Variants in RYR1 observed in about 807,000 individuals in gnomAD.
The protein encoded by RYR1 is ryanodine receptor 1.
Under a neutral mutation model 583.5 loss-of-function variants are expected in RYR1, and 342 were observed. The ratio of observed to expected loss-of-function variants is 0.59; its 90% CI spans 0.54 to 0.64. The LOEUF (loss-of-function observed/expected upper bound fraction) is 0.64, where lower values mean the gene tolerates loss of function less well. Ranked by LOEUF, RYR1 falls within the 30% of genes least tolerant of loss-of-function variation. The pLI, the probability that RYR1 is intolerant of heterozygous loss-of-function variation, is 0.00. For synonymous variants in RYR1, 2,791 were observed against 2,822.5 expected (o/e 0.99, Z 0.35); for missense variants, 6,032 against 6,917.2 (o/e 0.87, Z 4.54).
intron 19 of RYR1, among the ~76,000 whole-genome samples, 189 bp downstream of exon 19, chr19:38,459,527 C>T (rs1967616691): frequency 6.6e-6 from 1 of 152,108 alleles, no homozygotes; most frequent in South Asian, 2.1e-4. Context: ...TTTCCAATGA[C>T]CTCAGATTCT....
At chr19:38,555,623 T>C (rs1972848968) in intron 89 of RYR1, among the ~76,000 whole-genome samples, 1 of 152,092 alleles carries the variant, frequency 6.6e-6, no homozygotes, top group South Asian at 2.1e-4. Context: ...CTAGTGAGTG[T>C]GCAAATTTCC....
chr19:38,441,739 G>T (rs79536730), intron 2 of RYR1, among the ~76,000 whole-genome samples: 3 of 151,232 alleles, frequency 2.0e-5, no homozygotes, highest in Non-Finnish European at 1.5e-5. Flanking sequence ...GAATCTGATG[G>T]GGGGGAAGTT....
chr19:38,492,721 T>A, intron 38 of RYR1, 85 bp downstream of exon 38: 1 of 1,385,918 alleles, frequency 7.2e-7, no homozygotes, highest in Non-Finnish European at 9.9e-7. Context: ...AAAGAGGGCA[T>A]GAGGACAGAT....
chr19:38,531,782 T>A (rs1191892161), intron 76 of RYR1, among the ~76,000 whole-genome samples: 1 of 152,148 alleles, frequency 6.6e-6, no homozygotes, highest in Non-Finnish European at 1.5e-5. Context: ...GGTATGTGCC[T>A]GTAGTCCCAA....
chr19:38,537,503 C>T (rs1031713037), intron 83 of RYR1, among the ~76,000 whole-genome samples: 8 of 152,144 alleles, frequency 5.3e-5, no homozygotes, highest in African/African-American at 1.9e-4. Flanking sequence ...CCCCATAATC[C>T]ATTAACCTCC....
At chr19:38,575,603 G>T (rs1973920727) in intron 96 of RYR1, among the ~76,000 whole-genome samples, 1 of 152,124 alleles carries the variant, frequency 6.6e-6, no homozygotes, top group African/African-American at 2.4e-5. Flanking sequence ...AGAAGTTCAA[G>T]AACAGCCTGG....
chr19:38,519,155 G>C, intron 66 of RYR1, 59 bp from the exon 67 acceptor site: 1 of 1,613,102 alleles, frequency 6.2e-7, no homozygotes, highest in Non-Finnish European at 8.5e-7. Context: ...GCTGGGAACG[G>C]AGTTTGGGGC....
chr19:38,437,634 G>A (rs528616294), intron 1 of RYR1, among the ~76,000 whole-genome samples: 1 of 152,104 alleles, frequency 6.6e-6, no homozygotes, highest in East Asian at 1.9e-4. Flanking sequence ...GGGCAACATA[G>A]GGAGACCTTG....
intron 13 of RYR1, among the ~76,000 whole-genome samples, chr19:38,454,318 G>T (rs943020667): frequency 6.6e-6 from 1 of 152,210 alleles, no homozygotes; most frequent in Non-Finnish European, 1.5e-5. Context: ...GGGATTACAG[G>T]CGTGAGCCAC....
rs2145843330 is a variant in RYR1 at position 38,565,065 on chromosome 19, TGCAGATCGCCGC to T, written c.12739_12750del (p.Ala4247_Ile4250del). 6.4e-7 allele frequency: 1 copy of T among 1,565,062 alleles called. No individual in the cohort carries two copies. The highest frequency in any genetic ancestry group is 2.4e-5 in the East Asian group (1 of 42,380). On this transcript the variant is annotated inframe_deletion, in exon 91 of 106. Coordinates refer to ENST00000359596, the MANE Select transcript of RYR1 (RefSeq NM_000540.3). This position sits in a 1 kb window ranked among gnomAD's most constrained non-coding sequence, Gnocchi z 4.7. Reference sequence around the variant, plus strand: ...TTCTGCGAGGACACCATCTTCGAGATGCAGATCGCCGCGCAGATCTCGGAGCCCGAGGGCGAG... The same window carrying T: ...TTCTGCGAGGACACCATCTTCGAGATGCAGATCTCGGAGCCCGAGGGCGAG...
chr19:38,548,314 A>G lies in RYR1; in HGVS notation c.12176A>G (p.Lys4059Arg). 1 of 1,614,224 alleles carries G rather than the reference A, an allele frequency of 6.2e-7. No individual in the cohort carries two copies. The highest frequency in any genetic ancestry group is 8.5e-7 in the Non-Finnish European group (1 of 1,180,044). The part of the protein sequence containing the change: ...ESSSNVEMIL[K>R]FFDMFLKLKD... ...TCATCCAATGTGGAGATGATCCTCA[A>G]GTTCTTCGACATGTTCCTGAAACTC... The change falls in exon 89 of 106, where the codon AAG (lysine) becomes AGG (arginine). Residue 4059 changes from lysine to arginine, a missense_variant. By Grantham distance (26) the Lys-to-Arg change is conservative. Transcript: ENST00000359596.
Position 38,567,875 on chromosome 19 carries a change from C to T in RYR1, c.13617C>T (p.Gly4539=), listed in dbSNP as rs2302296. Residue 4539 remains glycine (G), a synonymous_variant, in exon 93 of 106, where the codon GGC becomes GGT. Transcript: ENST00000359596. The part of the protein sequence containing the change: ...SPPPKKEEAG[G]EFWGELEVQR... ...CTCCAAAGAAGGAGGAAGCTGGAGGCGAATTCTGGGGAGAACTGGAGGTGC... is the reference window on the plus strand; with the variant it reads ...CTCCAAAGAAGGAGGAAGCTGGAGGTGAATTCTGGGGAGAACTGGAGGTGC... The T allele has an allele frequency of 3.0e-4, 477 of 1,613,920 alleles. 3 individuals carry two copies. In the East Asian group the frequency reaches 0.01, roughly 34 times the overall value.
intron 50 of RYR1, 59 bp from the exon 51 acceptor site, chr19:38,504,689 C>T (rs1003665559): frequency 1.2e-6 from 2 of 1,603,492 alleles, no homozygotes; most frequent in Non-Finnish European, 1.7e-6. Context: ...AGTTTGAGGT[C>T]CTGGGGGTCA....
Position 38,505,941 on chromosome 19 carries a change from G to A in RYR1, c.8536G>A (p.Ala2846Thr), listed in dbSNP as rs1368371779. 1.4e-5 allele frequency: 22 copies of A among 1,612,648 alleles called. No individual in the cohort carries two copies. The highest frequency in any genetic ancestry group is 1.6e-5 in the Non-Finnish European group (19 of 1,179,844). Residue 2846 changes from alanine (A) to threonine (T), a missense_variant, in exon 54 of 106, where the codon GCC (alanine) becomes ACC (threonine). Physicochemically the swap from Ala to Thr is moderately conservative, Grantham distance 58. Around this residue, in one of 11 missense-constraint regions of RYR1, gnomAD observed 1,493 missense variants for 1,715.5 expected, o/e 0.87. Coordinates refer to ENST00000359596, the MANE Select transcript of RYR1 (RefSeq NM_000540.3). ...KKKTRKISQS[A>T]QTYDPREGYN... ...AAAAACGCGGAAGATATCACAAAGT[G>A]CCCAGGTGAAGGCGGGGCCTGGGTG... is the stretch of plus-strand genomic sequence containing the variant.
intron 24 of RYR1, among the ~76,000 whole-genome samples, chr19:38,467,127 C>T (rs1968153912): frequency 6.6e-6 from 1 of 152,158 alleles, no homozygotes; most frequent in Non-Finnish European, 1.5e-5. Context: ...TAACCTGACT[C>T]CTGACCTATC....
At chr19:38,544,246 G>A (rs1972330908) in intron 87 of RYR1, among the ~76,000 whole-genome samples, 1 of 152,236 alleles carries the variant, frequency 6.6e-6, no homozygotes, top group African/African-American at 2.4e-5. Context: ...AGAGCCTGGG[G>A]CTGAGGAAAT....
chr19:38,585,819 T>G, intron 102 of RYR1, 119 bp from the exon 103 acceptor site: 40 of 1,175,776 alleles, frequency 3.4e-5, no homozygotes, highest in East Asian at 4.7e-5. Flanking sequence ...GGAAGCGAGA[T>G]TAGGGGTGAG....
intron 89 of RYR1, among the ~76,000 whole-genome samples, chr19:38,559,902 G>A (rs982862403): frequency 3.3e-5 from 5 of 151,638 alleles, no homozygotes; most frequent in African/African-American, 1.2e-4. Flanking sequence ...ACACAGCAAA[G>A]GTCAGAATTA....
chr19:38,472,571 G>A (rs895164766), intron 27 of RYR1, among the ~76,000 whole-genome samples: 5 of 152,210 alleles, frequency 3.3e-5, no homozygotes, highest in Non-Finnish European at 4.4e-5. Flanking sequence ...AGGGGGGAAA[G>A]CAAGGGTTTA....
Sources: gnomAD v4.1 joint callset for allele counts (sites outside exome capture counted in the v4.1 genomes callset) on GRCh38, gnomAD v4.1.1 for gene constraint, gnomAD v4.1.1 regional missense constraint, Gnocchi (gnomAD v3.1) non-coding constraint, MANE v1.5 for transcripts, NCBI Gene and HGNC (gene_info 2026-07-23, HGNC 2026-07-21) for gene names.